The following METTL14 variants were observed in gnomAD, a reference collection of about 807,000 sequenced individuals.
The protein encoded by METTL14 is N(6)-adenosine-methyltransferase non-catalytic subunit METTL14.
A neutral mutation model predicts 62.4 loss-of-function variants in METTL14; 32 were observed. The observed-to-expected ratio is 0.51, with a 90% CI of 0.39 to 0.69. METTL14 has a LOEUF of 0.69. Among genes scored for constraint, METTL14 ranks in the 30% least tolerant of loss-of-function variants. METTL14 has a pLI of 0.00. For synonymous variants in METTL14, 150 were observed against 180.0 expected, an observed-to-expected ratio of 0.83 and a Z score of 1.34; for missense variants, 340 against 551.9, an observed-to-expected ratio of 0.62 and a Z score of 3.85.
intron 10 of METTL14, among the ~76,000 whole-genome samples, chr4:118,706,990 G>C (rs1351713075): frequency 1.3e-5 from 2 of 152,036 alleles, no homozygotes; most frequent in African/African-American, 4.8e-5. Context: ...TACTTTATCA[G>C]ATTTGTTTTT....
rs116075759 is a variant in METTL14, at chr4:118,695,143, A to G, written c.503+617A>G. 2.0e-3 allele frequency among the ~76,000 whole-genome samples: 302 copies of G among 152,190 alleles called. 1 individual carries two copies. The highest frequency in any genetic ancestry group is 6.9e-3 in the African/African-American group (285 of 41,540). ...GCGTACTGAGCCCTATTTCTTCGTT[A>G]TAGCAAAAATGTTAATTTGAAGCTC... On this transcript the variant is annotated intron_variant, in intron 6 of 10. Transcript: ENST00000388822.
At chr4:118,699,852 G>A (rs1024241383) in intron 7 of METTL14, among the ~76,000 whole-genome samples, 12 of 152,172 alleles carry the variant, frequency 7.9e-5, no homozygotes, top group South Asian at 2.1e-4. Context: ...ATGAGATACC[G>A]TCCTGAAGGA....
chr4:118,697,194 C>T lies in METTL14; in HGVS notation c.516C>T (p.Ala172=), dbSNP rs753858465. 43 of 1,597,048 alleles carry T rather than the reference C, an allele frequency of 2.7e-5. No individual in the cohort carries two copies. The highest frequency in any genetic ancestry group is 2.4e-4 in the South Asian group (21 of 86,980). ...TTTAATCAAATAGGTACTTACAAGC[C>T]GATATAGAAGCCTTTGACATCAGAG... The part of the protein sequence containing the change: ...KSNTPPMYLQ[A]DIEAFDIREL... The change falls in exon 7 of 11, where the codon GCC becomes GCT. Residue 172 remains alanine, a synonymous_variant. Coordinates refer to ENST00000388822, the MANE Select transcript of METTL14 (RefSeq NM_020961.4).
chr4:118,706,265 A>C (rs532899996), intron 10 of METTL14, among the ~76,000 whole-genome samples: 1 of 152,106 alleles, frequency 6.6e-6, no homozygotes, highest in Non-Finnish European at 1.5e-5. Context: ...ATCCCTACCC[A>C]CAACTCTTGA....
At position 118,713,683 on chromosome 4, in the gene METTL14, T is replaced by C. The variant is rs1724985243; in HGVS notation, c.*3381T>C. 1 of 152,218 alleles carries C rather than the reference T, an allele frequency of 6.6e-6. No homozygotes were observed. Among genetic ancestry groups the C allele is most frequent in the South Asian group, 2.1e-4 (1 of 4,838 alleles). The allele number at this position is 152,218 out of a possible 1,614,324, so 9.4% of individuals were successfully genotyped here. On this transcript the variant is annotated 3_prime_UTR_variant, in exon 11 of 11. Transcript: ENST00000388822. Reference sequence around the variant, plus strand: ...TAGGGTTCATGTGTGACTAGCATTATCCTCTCTTTGATGTTGGGTAATAGA... The same window carrying C: ...TAGGGTTCATGTGTGACTAGCATTACCCTCTCTTTGATGTTGGGTAATAGA...
chr4:118,692,216 CTT>C, intron 5 of METTL14, 148 bp downstream of exon 5: 1 of 492,844 alleles, frequency 2.0e-6, no homozygotes. Context: ...CCTTCTTTTT[CTT>C]TTCTTTTCTT....
intron 2 of METTL14, among the ~76,000 whole-genome samples, chr4:118,688,997 AC>A (rs1436332079): frequency 6.6e-6 from 1 of 152,216 alleles, no homozygotes; most frequent in Non-Finnish European, 1.5e-5. Context: ...AAGAAAATAT[AC>A]TTTATCCTAA....
intron 3 of METTL14, among the ~76,000 whole-genome samples, chr4:118,691,187 C>T (rs1327030650): frequency 6.6e-6 from 1 of 151,872 alleles, no homozygotes; most frequent in Non-Finnish European, 1.5e-5. Context: ...CCTTTTTGAC[C>T]TTTAAGCATA....
chr4:118,692,104 C>G (rs749467392), intron 5 of METTL14, 36 bp downstream of exon 5: 2 of 1,179,826 alleles, frequency 1.7e-6, no homozygotes, highest in Non-Finnish European at 2.5e-6. Flanking sequence ...CTATTGCTGA[C>G]TCTCAATTAC....
chr4:118,702,013 T>G (rs1431608599), intron 8 of METTL14, among the ~76,000 whole-genome samples: 1 of 152,114 alleles, frequency 6.6e-6, no homozygotes. Flanking sequence ...AACATACATG[T>G]TTTTATAGGT....
chr4:118,701,171 G>T (rs1174417598), intron 8 of METTL14, among the ~76,000 whole-genome samples: 2 of 142,074 alleles, frequency 1.4e-5, no homozygotes, highest in Non-Finnish European at 3.1e-5. Flanking sequence ...TTTTTTATTG[G>T]AGTTTTTTTT....
chr4:118,703,934 G>T lies in METTL14; in HGVS notation c.739-1G>T, dbSNP rs1217094560. 6.6e-6 allele frequency: 10 copies of T among 1,505,820 alleles called. No individual in the cohort carries two copies. The highest frequency in any genetic ancestry group is 9.0e-6 in the Non-Finnish European group (10 of 1,112,966). The allele number at this position is 1,505,820 out of a possible 1,614,324, so 93.3% of individuals were successfully genotyped here. A position where few individuals can be genotyped will look rare whatever the true frequency, so the allele number is the denominator to read the frequency against. On this transcript the variant is annotated splice_acceptor_variant, in intron 8 of 10. Transcript: ENST00000388822. LOFTEE classifies it high-confidence loss of function. ...TGTGTTTAAAATTCTTTTGTTTCTA[G>T]TGTTTACGAAAATGGGGTTACAGAA...
chr4:118,697,376 G>A, intron 7 of METTL14, 53 bp downstream of exon 7: 5 of 1,415,198 alleles, frequency 3.5e-6, no homozygotes, highest in Middle Eastern at 1.8e-4. Context: ...AAATGAATAT[G>A]TTTATTTGGT....
At chr4:118,693,087 G>A (rs1053418109) in intron 5 of METTL14, among the ~76,000 whole-genome samples, 3 of 152,110 alleles carry the variant, frequency 2.0e-5, no homozygotes, top group Non-Finnish European at 4.4e-5. Context: ...CCAAGCAGCT[G>A]CACGATTTTA....
intron 2 of METTL14, 152 bp downstream of exon 2, chr4:118,688,163 G>C: frequency 1.6e-6 from 1 of 636,680 alleles, no homozygotes; most frequent in Non-Finnish European, 2.7e-6. Flanking sequence ...GCCTCCCAAA[G>C]TGCTGAGATT....
intron 9 of METTL14, among the ~76,000 whole-genome samples, chr4:118,705,389 G>A (rs2110409367): frequency 6.6e-6 from 1 of 152,270 alleles, no homozygotes; most frequent in South Asian, 2.1e-4. Context: ...GCGGGGGATT[G>A]CTTGAGCCCA....
Position 118,686,646 on chromosome 4 carries a change from TC to T in METTL14, c.66+1048del, listed in dbSNP as rs751137124. ...ATTACGATCTTGGGCAAATCAAGTA[TC>T]CTTTCTAAGTCTTCTTTTCGCCAAC... On this transcript the variant is annotated intron_variant, in intron 1 of 10. Coordinates refer to ENST00000388822, the MANE Select transcript of METTL14 (RefSeq NM_020961.4). The T allele has an allele frequency of 1.4e-4, 62 of 456,304 alleles. 1 individual carries two copies. The highest frequency in any genetic ancestry group is 9.4e-4 in the South Asian group (61 of 64,568). The allele number at this position is 456,304 out of a possible 1,614,324, so 28.3% of individuals were successfully genotyped here.
intron 5 of METTL14, among the ~76,000 whole-genome samples, chr4:118,692,558 G>A (rs535816780): frequency 6.6e-6 from 1 of 152,118 alleles, no homozygotes; most frequent in South Asian, 2.1e-4. Context: ...GTGAGCCACC[G>A]CTCCAGGCCC....
At chr4:118,692,162 C>T (rs888304337) in intron 5 of METTL14, 94 bp downstream of exon 5, 11 of 770,562 alleles carry the variant, frequency 1.4e-5, no homozygotes, top group Non-Finnish European at 2.1e-5. Context: ...AAAATTATTT[C>T]TCCAGCTTGA....
Sources: allele counts gnomAD v4.1 joint callset (sites outside exome capture counted in the v4.1 genomes callset), GRCh38; gene constraint gnomAD v4.1.1; transcripts MANE v1.5; gene names NCBI Gene and HGNC (gene_info 2026-07-23, HGNC 2026-07-21).